Variants in ZNF143 observed in about 807,000 individuals in gnomAD.
The protein encoded by ZNF143 is SPH-binding factor.
A neutral mutation model predicts 74.1 loss-of-function variants in ZNF143; 49 were observed. The observed-to-expected ratio is 0.66, with a 90% confidence interval of 0.53 to 0.84. ZNF143 has a LOEUF of 0.84. Ranked by LOEUF, ZNF143 falls within the 40% of genes least tolerant of loss-of-function variation. ZNF143 has a pLI of 0.00. For synonymous variants in ZNF143, 304 were observed against 282.8 expected (o/e 1.07, Z -0.75); for missense variants, 637 against 793.4 (o/e 0.80, Z 2.37).
intron 14 of ZNF143, among the ~76,000 whole-genome samples, chr11:9,520,507 AAG>A (rs1848883539): frequency 6.6e-6 from 1 of 151,880 alleles, no homozygotes; most frequent in Non-Finnish European, 1.5e-5. Context: ...AAAAATAAAA[AAG>A]AGGCCAGGCA....
Position 9,483,034 on chromosome 11 carries a change from C to T in ZNF143, c.645+3488C>T, listed in dbSNP as rs536532816. ...TTTGAGATGGAGTCTTACTCTCTTG[C>T]CCAGGGTGGAGTGCAGTGATGTGAT... On this transcript the variant is annotated intron_variant, in intron 7 of 15. Transcript: ENST00000396602. 1.1e-4 allele frequency among the ~76,000 whole-genome samples: 17 copies of T among 150,988 alleles called. 1 individual carries two copies. The Middle Eastern group carries it at 0.01, about 91-fold the overall frequency.
chr11:9,505,005 G>T (rs1259842330), intron 11 of ZNF143, among the ~76,000 whole-genome samples: 2 of 88,164 alleles, frequency 2.3e-5, no homozygotes, highest in African/African-American at 7.3e-5. Flanking sequence ...ATGGAGTCAC[G>T]CCCTGTCACC....
chr11:9,522,969 A>G (rs1848991243), intron 14 of ZNF143, among the ~76,000 whole-genome samples: 2 of 151,222 alleles, frequency 1.3e-5, no homozygotes, highest in Non-Finnish European at 2.9e-5. Flanking sequence ...GGGTTTCACC[A>G]TGTTGGCCAG....
At chr11:9,496,282 A>T (rs1161383023) in intron 8 of ZNF143, 21 bp from the exon 9 acceptor site, 1 of 1,612,180 alleles carries the variant, frequency 6.2e-7, no homozygotes, top group South Asian at 1.1e-5. Context: ...AAATAGAATC[A>T]TGCCTGCATT....
chr11:9,500,836 A>C (rs1478713723), intron 10 of ZNF143, among the ~76,000 whole-genome samples: 1 of 151,938 alleles, frequency 6.6e-6, no homozygotes, highest in Non-Finnish European at 1.5e-5. Flanking sequence ...TTTTTTGCCT[A>C]CCTGGATGAT....
intron 7 of ZNF143, among the ~76,000 whole-genome samples, chr11:9,490,742 G>T (rs1018782267): frequency 6.6e-6 from 1 of 152,116 alleles, no homozygotes; most frequent in Admixed American, 6.6e-5. Flanking sequence ...AACAGAAACT[G>T]ATCTTTTTGA....
chr11:9,512,735 C>T, intron 13 of ZNF143, 139 bp downstream of exon 13: 1 of 888,226 alleles, frequency 1.1e-6, no homozygotes, highest in South Asian at 1.6e-5. Flanking sequence ...CAGTAGTCTG[C>T]TTACAGAGAC....
At chr11:9,526,711 C>T (rs1034112111) in intron 15 of ZNF143, among the ~76,000 whole-genome samples, 1 of 151,394 alleles carries the variant, frequency 6.6e-6, no homozygotes, top group African/African-American at 2.4e-5. Context: ...CAAAGTGCTA[C>T]GATTATAGTC....
intron 15 of ZNF143, 82 bp downstream of exon 15, chr11:9,525,468 A>AAT (rs1350529317): frequency 6.4e-7 from 1 of 1,559,758 alleles, no homozygotes; most frequent in East Asian, 2.2e-5. Flanking sequence ...TTCGTGTATA[A>AAT]CCTTTACAGG....
At chr11:9,479,031 A>G (rs1847134692) in intron 6 of ZNF143, among the ~76,000 whole-genome samples, 1 of 152,224 alleles carries the variant, frequency 6.6e-6, no homozygotes, top group African/African-American at 2.4e-5. Flanking sequence ...AGTAGGAACT[A>G]TAGATTAGGA....
chr11:9,507,702 C>T (rs994479648), intron 11 of ZNF143, among the ~76,000 whole-genome samples: 2 of 152,144 alleles, frequency 1.3e-5, no homozygotes, highest in East Asian at 3.8e-4. Flanking sequence ...GTCCCTACAC[C>T]ACCACATGTT....
chr11:9,512,354 T>C, intron 12 of ZNF143, 94 bp from the exon 13 acceptor site: 1 of 1,464,072 alleles, frequency 6.8e-7, no homozygotes, highest in Non-Finnish European at 9.2e-7. Flanking sequence ...ATGTACATTT[T>C]AATTATGTAA....
At chr11:9,496,593 T>C (rs1316389670) in intron 9 of ZNF143, among the ~76,000 whole-genome samples, 3 of 142,172 alleles carry the variant, frequency 2.1e-5, no homozygotes, top group Non-Finnish European at 4.4e-5. Context: ...TGTTTTCTTT[T>C]TCTTTTTCTT....
At chr11:9,497,537 T>A in intron 9 of ZNF143, 138 bp from the exon 10 acceptor site, 1 of 672,404 alleles carries the variant, frequency 1.5e-6, no homozygotes, top group Non-Finnish European at 2.3e-6. Context: ...GGCCCTTTTG[T>A]ACATTTTAAA....
chr11:9,525,616 A>C (rs1282936438), intron 15 of ZNF143: 12 of 551,214 alleles, frequency 2.2e-5, no homozygotes, highest in Non-Finnish European at 2.9e-5. Context: ...AAGAAAAAAA[A>C]CCTTCAGGTA....
rs373159711 is a variant in ZNF143, at chr11:9,492,239, T to G, written c.646-2407T>G. ...AATTCTCCTGCCGCAGCCTCCCTAG[T>G]AGCTGGAATCACAAGCACATGCCAC... On this transcript the variant is annotated intron_variant, in intron 7 of 15. Transcript: ENST00000396602. 2.6e-3 allele frequency among the ~76,000 whole-genome samples: 392 copies of G among 151,824 alleles called. 1 individual carries two copies. Among genetic ancestry groups the G allele is most frequent in the African/African-American group, 9.1e-3 (378 of 41,424 alleles).
intron 14 of ZNF143, among the ~76,000 whole-genome samples, chr11:9,520,086 C>A (rs930467798): frequency 2.3e-5 from 3 of 132,464 alleles, no homozygotes; most frequent in African/African-American, 8.8e-5. Context: ...GCCCAGACTG[C>A]AGTGCAGTGG....
intron 7 of ZNF143, among the ~76,000 whole-genome samples, chr11:9,486,396 A>AATATATT (rs1298086957): frequency 5.9e-4 from 7 of 11,916 alleles, no homozygotes; most frequent in African/African-American, 1.3e-3. Flanking sequence ...TAATATATAT[A>AATATATT]ATATATTATA....
chr11:9,466,888 T>G lies in ZNF143; in HGVS notation c.-7-4414T>G, dbSNP rs112155917. On this transcript the variant is annotated intron_variant, in intron 1 of 15. Coordinates refer to ENST00000396602, the MANE Select transcript of ZNF143 (RefSeq NM_003442.6). Reference sequence around the variant, plus strand: ...AATAGAGTAATACTCTGGTTTTTTTTTGTGTGTGTGTGTGTGTTTTTTTGA... The same window carrying G: ...AATAGAGTAATACTCTGGTTTTTTTGTGTGTGTGTGTGTGTGTTTTTTTGA... Among the ~76,000 whole-genome samples, 1,316 of 151,508 alleles carry G rather than the reference T, an allele frequency of 8.7e-3. 10 individuals carry two copies. Among genetic ancestry groups the G allele is most frequent in the Middle Eastern group, 0.048 (14 of 292 alleles).
Sources: allele counts gnomAD v4.1 joint callset (sites outside exome capture counted in the v4.1 genomes callset), GRCh38; gene constraint gnomAD v4.1.1; transcripts MANE v1.5; gene names NCBI Gene and HGNC (gene_info 2026-07-23, HGNC 2026-07-21).